The following DLL1 variants were observed in gnomAD, a reference collection of about 807,000 sequenced individuals.
DLL1 encodes delta-like protein 1.
DLL1 carries 9 observed loss-of-function variants against 75.1 expected under a neutral mutation model. The ratio of observed to expected loss-of-function variants is 0.12; its 90% CI spans 0.07 to 0.21. The LOEUF (loss-of-function observed/expected upper bound fraction) is 0.21. Among genes scored for constraint, DLL1 ranks in the 10% least tolerant of loss-of-function variants. DLL1 has a pLI of 1.00. For synonymous variants in DLL1, 477 were observed against 418.3 expected, an observed-to-expected ratio of 1.14 and a Z score of -1.71; for missense variants, 837 against 1,007.6, an observed-to-expected ratio of 0.83 and a Z score of 2.29.
chr6:170,289,725 G>A lies in DLL1; in HGVS notation c.138C>T (p.Arg46=). 1.9e-6 allele frequency: 3 copies of A among 1,550,246 alleles called. No individual in the cohort carries two copies. Among genetic ancestry groups the A allele is most frequent in the Non-Finnish European group, 2.6e-6 (3 of 1,146,972 alleles). ...KGLLGNRNCC[R]GGAGPPPCAC... ...CGCACGGCGGTGGCCCCGCGCCCCC[G>A]CGGCAGCAGTTGCGGTTCCCCAGCA... The change falls in exon 2 of 11, where the codon CGC becomes CGT. Residue 46 remains arginine, a synonymous_variant. Transcript: ENST00000366756.
rs568795091 is a variant in DLL1, at chr6:170,289,512, C to G, written c.351G>C (p.Pro117=). The change falls in exon 2 of 11, where the codon CCG becomes CCC. Residue 117 remains proline, a splice_region_variant and synonymous_variant. Transcript: ENST00000366756. ...PIRFPFGFTW[P]GTFSLIIEAL... is the part of the protein sequence containing the mutation. ...CGGCGCGCGCAGGTGCGGCACTCAC[C>G]GGCCAGGTGAAGCCGAAGGGGAAGC... 8.5e-6 allele frequency: 13 copies of G among 1,534,160 alleles called. No individual in the cohort carries two copies. The African/African-American group carries it at 1.8e-4, about 21-fold the overall frequency.
In DLL1 at chr6:170,283,741, C is replaced by G; in HGVS notation, c.1538G>C (p.Gly513Ala). The change falls in exon 9 of 11, where the codon GGT becomes GCT. Residue 513 changes from glycine to alanine, a missense_variant. Gly to Ala is a moderately conservative substitution (Grantham distance 60). Transcript: ENST00000366756. ...GGGGAGCAGGAACTGGCAGTTGGGACCCCCGTAGCCTCGGGCACACTCGCA... is the reference window on the plus strand; with the variant it reads ...GGGGAGCAGGAACTGGCAGTTGGGAGCCCCGTAGCCTCGGGCACACTCGCA... Reference protein sequence around the residue: ...YVCECARGYGGPNCQFLLPEL... With the variant: ...YVCECARGYGAPNCQFLLPEL... 2 of 1,557,426 alleles carry G rather than the reference C, an allele frequency of 1.3e-6. No homozygotes were observed. The highest frequency in any genetic ancestry group is 1.7e-6 in the Non-Finnish European group (2 of 1,151,880).
At position 170,282,346 on chromosome 6, in the gene DLL1, G is replaced by A. The variant is rs998709615; in HGVS notation, c.*528C>T. On this transcript the variant is annotated 3_prime_UTR_variant, in exon 11 of 11. Transcript: ENST00000366756. ...CAAAAAAATATAGTCACATAGACCC[G>A]AAGTGCCTTTGTACATATTTACCAA... 1 of 160,276 alleles carries A rather than the reference G, an allele frequency of 6.2e-6. No individual in the cohort carries two copies. The highest frequency in any genetic ancestry group is 1.4e-5 in the Non-Finnish European group (1 of 72,474). 9.9% of individuals were successfully genotyped at this position (160,276 alleles called of 1,614,324 possible).
At position 170,285,454 on chromosome 6, in the gene DLL1, G is replaced by A. The variant is rs761222092; in HGVS notation, c.863-31C>T. 1.1e-5 allele frequency: 17 copies of A among 1,614,072 alleles called. No individual in the cohort carries two copies. In the East Asian group the frequency reaches 3.3e-4, roughly 32 times the overall value. On this transcript the variant is annotated intron_variant, in intron 6 of 10. Transcript: ENST00000366756. Reference sequence around the variant, plus strand: ...AAGGGTGGGGACAGGAAAAGTAGGAGATAGGAAGCTCGACATCAAATGCAG... The same window carrying A: ...AAGGGTGGGGACAGGAAAAGTAGGAAATAGGAAGCTCGACATCAAATGCAG...
chr6:170,283,631 C>T lies in DLL1; in HGVS notation c.1648G>A (p.Ala550Thr), dbSNP rs961819995. 35 of 1,606,560 alleles carry T rather than the reference C, an allele frequency of 2.2e-5. No individual in the cohort carries two copies. The highest frequency in any genetic ancestry group is 1.7e-4 in the Middle Eastern group (1 of 6,040). Residue 550 changes from alanine to threonine, a missense_variant, in exon 9 of 11, where the codon GCC (alanine) becomes ACC (threonine). Around this residue, in one of 2 missense-constraint regions of DLL1, gnomAD observed 533 missense variants for 545.7 expected, o/e 0.98. Coordinates refer to ENST00000366756, the MANE Select transcript of DLL1 (RefSeq NM_005618.4). ...GGPFPWVAVC[A>T]GVILVLMLLL... ...AGCATGAGGACAAGGATGACCCCGGCGCACACGGCCACCCAGGGGAATGGC... is the reference window on the plus strand; with the variant it reads ...AGCATGAGGACAAGGATGACCCCGGTGCACACGGCCACCCAGGGGAATGGC...
intron 2 of DLL1, 66 bp from the exon 3 acceptor site, chr6:170,288,855 A>T (rs898332559): frequency 1.3e-6 from 2 of 1,579,742 alleles, no homozygotes; most frequent in African/African-American, 2.7e-5. Flanking sequence ...GGCAAAAAGC[A>T]GTCATTCCTA....
At chr6:170,286,131 C>T in intron 5 of DLL1, 107 bp downstream of exon 5, 2 of 1,369,392 alleles carry the variant, frequency 1.5e-6, no homozygotes, top group South Asian at 1.2e-5. Context: ...ATCAATCTTA[C>T]TGGAGTTTTT....
rs780333054 is a variant in DLL1, at chr6:170,284,039, A to C, written c.1250-10T>G. On this transcript the variant is annotated splice_polypyrimidine_tract_variant and intron_variant, in intron 8 of 10. Transcript: ENST00000366756. ...TCCACACACTTGGCACCTGGAACAC[A>C]GGGACATGAACATCACGTGTCTCCT... 2.6e-6 allele frequency: 4 copies of C among 1,559,420 alleles called. No homozygotes were observed.
chr6:170,282,808 G>A lies in DLL1; in HGVS notation c.*66C>T, dbSNP rs1347036227. 1.9e-6 allele frequency: 3 copies of A among 1,611,502 alleles called. No individual in the cohort carries two copies. The highest frequency in any genetic ancestry group is 2.5e-6 in the Non-Finnish European group (3 of 1,178,724). On this transcript the variant is annotated 3_prime_UTR_variant, in exon 11 of 11. Transcript: ENST00000366756. ...CCCTCCTCTTCAGCAGCATTCGTTGGGGCATATATCCTTGGAATTTTACTT... is the reference window on the plus strand; with the variant it reads ...CCCTCCTCTTCAGCAGCATTCGTTGAGGCATATATCCTTGGAATTTTACTT...
rs1783855020 is a variant in DLL1, at chr6:170,291,033, G to C, written c.-894C>G. 3 of 701,862 alleles carry C rather than the reference G, an allele frequency of 4.3e-6. No individual in the cohort carries two copies. The highest frequency in any genetic ancestry group is 7.8e-6 in the Non-Finnish European group (3 of 384,568). The allele number at this position is 701,862 out of a possible 1,614,324, so 43.5% of individuals were successfully genotyped here. ...ATCTGGCGAGAGCTGTCACAAAGGA[G>C]CCACTTTTCCAAACCCTCCTCTCAA... is the stretch of plus-strand genomic sequence containing the variant. On this transcript the variant is annotated 5_prime_UTR_variant, in exon 1 of 11. Coordinates refer to ENST00000366756, the MANE Select transcript of DLL1 (RefSeq NM_005618.4).
chr6:170,288,158 C>A, intron 4 of DLL1, 81 bp downstream of exon 4: 2 of 1,601,376 alleles, frequency 1.2e-6, no homozygotes, highest in East Asian at 2.3e-5. Flanking sequence ...CCCAAGCCCC[C>A]CGTGGCTCAG....
chr6:170,289,086 G>A (rs1783776870), intron 2 of DLL1: 1 of 588,038 alleles, frequency 1.7e-6, no homozygotes, highest in Non-Finnish European at 3.0e-6. Context: ...TGGGGTGGAA[G>A]AGGCCCGAGG....
Position 170,283,721 on chromosome 6 carries a change from G to C in DLL1, c.1558C>G (p.Leu520Val). 1 of 1,550,718 alleles carries C rather than the reference G, an allele frequency of 6.4e-7. No homozygotes were observed. Among genetic ancestry groups the C allele is most frequent in the Non-Finnish European group, 8.7e-7 (1 of 1,147,934 alleles). Residue 520 changes from leucine to valine, a missense_variant, in exon 9 of 11, where the codon CTC (leucine) becomes GTC (valine). Leu to Val is a conservative substitution (Grantham distance 32). Coordinates refer to ENST00000366756, the MANE Select transcript of DLL1 (RefSeq NM_005618.4). ...GYGGPNCQFL[L>V]PELPPGPAVV... ...GCTGGGCCCGGGGGCAGCTCGGGGAGCAGGAACTGGCAGTTGGGACCCCCG... is the reference window on the plus strand; with the variant it reads ...GCTGGGCCCGGGGGCAGCTCGGGGACCAGGAACTGGCAGTTGGGACCCCCG...
In DLL1 at chr6:170,290,601, A is replaced by C. The variant is rs1014197891; in HGVS notation, c.-462T>G. On this transcript the variant is annotated 5_prime_UTR_variant, in exon 1 of 11. The change creates a new upstream start codon in the 5' untranslated region. Coordinates refer to ENST00000366756, the MANE Select transcript of DLL1 (RefSeq NM_005618.4). The surrounding 1 kb of genome is among the most constrained non-coding windows in gnomAD (Gnocchi z 4.7). ...GCCGATTAGAAAGCCGCGGTCTGGA[A>C]ATCCCACGGGCAAGGCGATAATCCG... 6 of 241,016 alleles carry C rather than the reference A, an allele frequency of 2.5e-5. No individual in the cohort carries two copies. Among genetic ancestry groups the C allele is most frequent in the Non-Finnish European group, 3.9e-5 (5 of 128,558 alleles). 14.9% of individuals were successfully genotyped at this position (241,016 alleles called of 1,614,324 possible). A position where few individuals can be genotyped will look rare whatever the true frequency, so the allele number is the denominator to read the frequency against.
At chr6:170,286,405 C>T in intron 4 of DLL1, 107 bp from the exon 5 acceptor site, 1 of 1,376,546 alleles carries the variant, frequency 7.3e-7, no homozygotes, top group Non-Finnish European at 1.0e-6. Flanking sequence ...CAGCAAATCC[C>T]AGCTGAGTTA....
At chr6:170,284,090 C>T (rs1397904142) in intron 8 of DLL1, 61 bp from the exon 9 acceptor site, 3 of 1,530,546 alleles carry the variant, frequency 2.0e-6, no homozygotes, top group African/African-American at 2.7e-5. Flanking sequence ...CAAAAAGTCA[C>T]TCTGAAGCAT....
chr6:170,289,904 C>G, intron 1 of DLL1, 96 bp from the exon 2 acceptor site: 1 of 1,381,124 alleles, frequency 7.2e-7, no homozygotes, highest in Non-Finnish European at 9.5e-7. Context: ...CCTGGAAGGG[C>G]TCAGGGGCCG....
chr6:170,289,370 C>T (rs1219604498), intron 2 of DLL1, 142 bp downstream of exon 2: 4 of 1,346,128 alleles, frequency 3.0e-6, no homozygotes, highest in Non-Finnish European at 3.0e-6. Flanking sequence ...CCTGGGGCCG[C>T]CGCTAGGCAG....
At position 170,282,891 on chromosome 6, in the gene DLL1, C is replaced by T. The variant is rs981629530; in HGVS notation, c.2167-12G>A. The T allele has an allele frequency of 6.2e-7, 1 of 1,614,194 alleles. No individual in the cohort carries two copies. Among genetic ancestry groups the T allele is most frequent in the Admixed American group, 1.7e-5 (1 of 60,028 alleles). On this transcript the variant is annotated splice_polypyrimidine_tract_variant and intron_variant, in intron 10 of 10. Coordinates refer to ENST00000366756, the MANE Select transcript of DLL1 (RefSeq NM_005618.4). ...CTTCCATTTTACACCTGGGGGGCCA[C>T]AAGACAAATGGGAAGTTAGCCTGAG...
Sources: gnomAD v4.1 joint callset for allele counts on GRCh38, gnomAD v4.1.1 for gene constraint, gnomAD v4.1.1 regional missense constraint, Gnocchi (gnomAD v3.1) non-coding constraint, MANE v1.5 for transcripts, NCBI Gene and HGNC (gene_info 2026-07-23, HGNC 2026-07-21) for gene names.